VPS11: variants seen among roughly 807,000 people sequenced by gnomAD.
The protein encoded by VPS11 is VPS11 core subunit of CORVET and HOPS complexes.
A neutral mutation model predicts 106.8 loss-of-function variants in VPS11; 51 were observed. That is an observed-to-expected ratio of 0.48 (90% CI 0.38 to 0.60). The LOEUF (loss-of-function observed/expected upper bound fraction) is 0.60, where lower values mean the gene tolerates loss of function less well. Ranked by LOEUF, VPS11 falls within the 20% of genes least tolerant of loss-of-function variation. VPS11 has a pLI of 0.00. For synonymous variants in VPS11, 453 were observed against 458.7 expected, an observed-to-expected ratio of 0.99 and a Z score of 0.16; for missense variants, 950 against 1,190.0, an observed-to-expected ratio of 0.80 and a Z score of 2.97.
Position 119,069,006 on chromosome 11 carries a change from C to G in VPS11, c.188-190C>G, listed in dbSNP as rs539503302. 5.9e-4 allele frequency among the ~76,000 whole-genome samples: 39 copies of G among 65,742 alleles called. 1 individual carries two copies. The highest frequency in any genetic ancestry group is 1.2e-3 in the Non-Finnish European group (33 of 28,486). 43.1% of individuals were successfully genotyped at this position (65,742 alleles called of 152,430 possible). On this transcript the variant is annotated intron_variant, in intron 1 of 15. Transcript: ENST00000621676. ...CCTCAGGTGATCCGCACCCCCCCCCCCCCCCGGCCTCCCAAAGTGCTGGGA... is the reference window on the plus strand; with the variant it reads ...CCTCAGGTGATCCGCACCCCCCCCCGCCCCCGGCCTCCCAAAGTGCTGGGA...
At position 119,081,708 on chromosome 11, in the gene VPS11, G is replaced by C; in HGVS notation, c.*85G>C. On this transcript the variant is annotated 3_prime_UTR_variant, in exon 16 of 16. Transcript: ENST00000621676. ...CTGGGCGGGCGTTACACAGAAGGCT[G>C]GCTGACATGCCCAGGGCTCCACTCT... The C allele has an allele frequency of 6.6e-7, 1 of 1,517,046 alleles. No homozygotes were observed. Among genetic ancestry groups the C allele is most frequent in the South Asian group, 1.2e-5 (1 of 81,402 alleles). 94.0% of individuals were successfully genotyped at this position (1,517,046 alleles called of 1,614,324 possible).
chr11:119,073,322 T>G lies in VPS11; in HGVS notation c.1009T>G (p.Trp337Gly), dbSNP rs1565739680. 3.7e-6 allele frequency: 6 copies of G among 1,613,872 alleles called. No homozygotes were observed. Among genetic ancestry groups the G allele is most frequent in the Non-Finnish European group, 5.1e-6 (6 of 1,179,894 alleles). Reference protein sequence around the residue: ...FEDVVDVLAEWGSLYVLTRDG... With the variant: ...FEDVVDVLAEGGSLYVLTRDG... Reference sequence around the variant, plus strand: ...GGATGTAGTGGATGTGCTTGCTGAGTGGGGCTCCCTGTACGTGCTGACGCG... The same window carrying G: ...GGATGTAGTGGATGTGCTTGCTGAGGGGGGCTCCCTGTACGTGCTGACGCG... The change falls in exon 6 of 16, where the codon TGG (tryptophan) becomes GGG (glycine). Residue 337 changes from tryptophan (W) to glycine (G), a missense_variant. Trp to Gly is a radical substitution (Grantham distance 184). Around this residue, in one of 3 missense-constraint regions of VPS11, gnomAD observed 435 missense variants for 630.2 expected, o/e 0.69. Coordinates refer to ENST00000621676, the MANE Select transcript of VPS11 (RefSeq NM_021729.6).
Position 119,077,892 on chromosome 11 carries a change from C to T in VPS11, c.1587C>T (p.Ala529=). 6.2e-7 allele frequency: 1 copy of T among 1,614,012 alleles called. No individual in the cohort carries two copies. Among genetic ancestry groups the T allele is most frequent in the Non-Finnish European group, 8.5e-7 (1 of 1,179,880 alleles). ...CTTTTCCACAGAATTATCAGGAAGC[C>T]CTTCGATACATCGGCAAGCTGCCTT... ...QLEDIKNYQE[A]LRYIGKLPFE... Residue 529 remains alanine (A), a synonymous_variant, in exon 10 of 16, where the codon GCC becomes GCT. Transcript: ENST00000621676.
chr11:119,081,443 T>C lies in VPS11; in HGVS notation c.2662-16T>C. 1 of 1,613,934 alleles carries C rather than the reference T, an allele frequency of 6.2e-7. No homozygotes were observed. Among genetic ancestry groups the C allele is most frequent in the African/African-American group, 1.3e-5 (1 of 75,042 alleles). ...TTGATTCTGATTCGTATTCCTTCCC[T>C]CCTCTTCTCCTGCAGCTCAAGTGCT... On this transcript the variant is annotated splice_polypyrimidine_tract_variant and intron_variant, in intron 15 of 15. Coordinates refer to ENST00000621676, the MANE Select transcript of VPS11 (RefSeq NM_021729.6).
intron 5 of VPS11, chr11:119,072,155 G>A (rs1945419818): frequency 1.4e-5 from 4 of 285,782 alleles, no homozygotes; most frequent in South Asian, 3.8e-5. Context: ...CAGTAGAGAC[G>A]AGGTTTCACC....
Position 119,073,409 on chromosome 11 carries a change from C to T in VPS11, c.1086+10C>T. On this transcript the variant is annotated intron_variant, in intron 6 of 15. Coordinates refer to ENST00000621676, the MANE Select transcript of VPS11 (RefSeq NM_021729.6). ...ACAGACCAAACTGGAGGCAAGGCCA[C>T]CAGGCTCGCAGAGCTGGCCACAGGC... The T allele has an allele frequency of 6.2e-7, 1 of 1,611,478 alleles. No individual in the cohort carries two copies.
In VPS11 at chr11:119,070,291, G is replaced by T. The variant is rs1592179652; in HGVS notation, c.530G>T (p.Ser177Ile). 6.2e-7 allele frequency: 1 copy of T among 1,613,288 alleles called. No individual in the cohort carries two copies. The change falls in exon 4 of 16, where the codon AGC becomes ATC. Residue 177 changes from serine (S) to isoleucine (I), a missense_variant. Physicochemically the swap from Ser to Ile is moderately radical, Grantham distance 142. Coordinates refer to ENST00000621676, the MANE Select transcript of VPS11 (RefSeq NM_021729.6). Reference protein sequence around the residue: ...NKGDITRDRHSKTQILHKGNY... With the variant: ...NKGDITRDRHIKTQILHKGNY... ...GGAGACATCACCCGGGACCGGCATA[G>T]CAAGACCCAGATTTTGCACAAGGGC...
chr11:119,078,643 G>A lies in VPS11; in HGVS notation c.2002G>A (p.Val668Ile). The change falls in exon 12 of 16, where the codon GTC becomes ATC. Residue 668 changes from valine to isoleucine, a missense_variant. By Grantham distance (29) the Val-to-Ile change is conservative. Around this residue, in one of 3 missense-constraint regions of VPS11, gnomAD observed 453 missense variants for 514.6 expected, o/e 0.88. Transcript: ENST00000621676. ...CTGCGACGTCTTTGACAAGGCCCTG[G>A]TCCTGTGCCAGATGCACGACTTCCA... is the stretch of plus-strand genomic sequence containing the variant. Reference protein sequence around the residue: ...RFCDVFDKALVLCQMHDFQDG... With the variant: ...RFCDVFDKALILCQMHDFQDG... 1 of 1,613,782 alleles carries A rather than the reference G, an allele frequency of 6.2e-7. No individual in the cohort carries two copies. Among genetic ancestry groups the A allele is most frequent in the Non-Finnish European group, 8.5e-7 (1 of 1,179,724 alleles).
At chr11:119,068,469 A>C (rs1465346381) in intron 1 of VPS11, among the ~76,000 whole-genome samples, 2 of 16,116 alleles carry the variant, frequency 1.2e-4, no homozygotes, top group African/African-American at 4.5e-4. Flanking sequence ...TTTTTTTTTG[A>C]TACGGAGTCT....
chr11:119,074,993 G>A (rs1272306386), intron 7 of VPS11, among the ~76,000 whole-genome samples: 1 of 152,206 alleles, frequency 6.6e-6, no homozygotes, highest in Non-Finnish European at 1.5e-5. Flanking sequence ...GTGGCCGGGC[G>A]CGGTAGCTCA....
In VPS11 at chr11:119,068,006, T is replaced by C. The variant is rs2133640248; in HGVS notation, c.183T>C (p.Phe61=). The C allele has an allele frequency of 1.2e-6, 2 of 1,604,430 alleles. No individual in the cohort carries two copies. The highest frequency in any genetic ancestry group is 1.7e-6 in the Non-Finnish European group (2 of 1,173,314). Residue 61 remains phenylalanine (F), a synonymous_variant, in exon 1 of 16, where the codon TTT becomes TTC. Transcript: ENST00000621676. ...VCDSGRGSLV[F]GDMEGQIWFL... ...ACTCAGGCCGAGGGAGCCTGGTCTT[T>C]GGAGATATCCTTCGTTTGGAGCTGT...
chr11:119,080,983 G>A, intron 14 of VPS11, 109 bp from the exon 15 acceptor site: 1 of 947,124 alleles, frequency 1.1e-6, no homozygotes, highest in Non-Finnish European at 1.7e-6. Context: ...GCCTTCAGGG[G>A]CCTTACCAGG....
At chr11:119,069,410 C>G in intron 2 of VPS11, 32 bp from the exon 3 acceptor site, 1 of 1,613,846 alleles carries the variant, frequency 6.2e-7, no homozygotes, top group Non-Finnish European at 8.5e-7. Context: ...TGGAGGATGA[C>G]TAGCATTTAC....
Position 119,077,023 on chromosome 11 carries a change from CCTGCTCCTCAA to C in VPS11, c.1371_1381del (p.Leu458TyrfsTer18). On this transcript the variant is annotated frameshift_variant, in exon 8 of 16. Coordinates refer to ENST00000621676, the MANE Select transcript of VPS11 (RefSeq NM_021729.6). LOFTEE classifies it high-confidence loss of function. ...CCCTGGCCAATGCCGACCATACCAC[CCTGCTCCTCAA>C]CTGCTATACCAAGCTCAAGGACAGC... 1 of 1,613,850 alleles carries C rather than the reference CCTGCTCCTCAA, an allele frequency of 6.2e-7. No individual in the cohort carries two copies. The highest frequency in any genetic ancestry group is 8.5e-7 in the Non-Finnish European group (1 of 1,179,832).
At chr11:119,070,603 T>C in intron 4 of VPS11, 1 of 367,866 alleles carries the variant, frequency 2.7e-6, no homozygotes, top group Non-Finnish European at 4.0e-6. Flanking sequence ...AAGATGTGAA[T>C]TTTCTTTCTT....
chr11:119,068,297 A>G (rs1945198377), intron 1 of VPS11: 1 of 403,250 alleles, frequency 2.5e-6, no homozygotes, highest in African/African-American at 2.1e-5. Flanking sequence ...CAATAAGAAA[A>G]AGAATGCAAG....
At chr11:119,076,835 T>C in intron 7 of VPS11, 62 bp from the exon 8 acceptor site, 1 of 1,567,866 alleles carries the variant, frequency 6.4e-7, no homozygotes. Context: ...AAGTGATTCC[T>C]GTGTACATGA....
rs549351368 is a variant in VPS11, at chr11:119,078,498, G to C, written c.1924-67G>C. The C allele has an allele frequency of 1.2e-4, 183 of 1,589,944 alleles. No homozygotes were observed. In the South Asian group the frequency reaches 1.7e-3, roughly 15 times the overall value. ...ATGGACTGAGGGAAAGAGTTGACTG[G>C]CTTTGTCCCAAGAGACCTTGTGATT... On this transcript the variant is annotated intron_variant, in intron 11 of 15. Transcript: ENST00000621676.
At chr11:119,079,904 C>T (rs187175740) in intron 14 of VPS11, among the ~76,000 whole-genome samples, 441 of 152,226 alleles carry the variant, frequency 2.9e-3, no homozygotes, top group Non-Finnish European at 4.1e-3. Flanking sequence ...CCTTAACATT[C>T]TGTAAAATAT....
Sources: gnomAD v4.1 joint callset for allele counts (sites outside exome capture counted in the v4.1 genomes callset) on GRCh38, gnomAD v4.1.1 for gene constraint, gnomAD v4.1.1 regional missense constraint, MANE v1.5 for transcripts, NCBI Gene and HGNC (gene_info 2026-07-23, HGNC 2026-07-21) for gene names.